Variants in SASH1 observed in about 807,000 individuals in gnomAD.
SASH1 encodes the protein SAM and SH3 domain-containing protein 1.
Under a neutral mutation model 125.2 loss-of-function variants are expected in SASH1, and 44 were observed. The observed-to-expected ratio is 0.35, with a 90% confidence interval of 0.28 to 0.45. The LOEUF is 0.45. Among genes scored for constraint, SASH1 ranks in the 20% least tolerant of loss-of-function variants. SASH1 has a pLI of 1.00. For synonymous variants in SASH1, 639 were observed against 649.1 expected, an observed-to-expected ratio of 0.98 and a Z score of 0.24; for missense variants, 1,426 against 1,614.5, an observed-to-expected ratio of 0.88 and a Z score of 2.00.
chr6:148,543,989 T>C lies in SASH1; in HGVS notation c.2519T>C (p.Leu840Pro). ...GACACTTGGCCCCGATCCCATTCCC[T>C]GGATGACCTTCAAGTGGAGCCTGGT... ...TVDTWPRSHS[L>P]DDLQVEPGAE... The change falls in exon 18 of 20, where the codon CTG (leucine) becomes CCG (proline). Residue 840 changes from leucine (L) to proline (P), a missense_variant. By Grantham distance (98) the Leu-to-Pro change is moderately conservative. Coordinates refer to ENST00000367467, the MANE Select transcript of SASH1 (RefSeq NM_015278.5). The C allele has an allele frequency of 6.2e-7, 1 of 1,614,078 alleles. No homozygotes were observed. Among genetic ancestry groups the C allele is most frequent in the Non-Finnish European group, 8.5e-7 (1 of 1,179,998 alleles).
upstream of SASH1, among the ~76,000 whole-genome samples, chr6:148,340,343 C>T (rs1343766842): frequency 1.3e-5 from 2 of 151,874 alleles, no homozygotes; most frequent in African/African-American, 4.8e-5. Flanking sequence ...ATTAGCCAGG[C>T]GTGGTGGTGC....
At chr6:148,401,743 G>A (rs1266105856) in intron 2 of SASH1, among the ~76,000 whole-genome samples, 2 of 152,050 alleles carry the variant, frequency 1.3e-5, no homozygotes, top group African/African-American at 2.4e-5. Flanking sequence ...AAACCAAATT[G>A]GAAGCACATC....
intron 1 of SASH1, among the ~76,000 whole-genome samples, chr6:148,295,812 A>C (rs986502735): frequency 3.3e-5 from 5 of 152,224 alleles, no homozygotes; most frequent in Non-Finnish European, 7.3e-5. Context: ...GTGTGTTGAC[A>C]GCAGCCAGCA....
At chr6:148,219,625 C>T in the SASH1 span, among the ~76,000 whole-genome samples, 1 of 152,194 alleles carries the variant, frequency 6.6e-6, no homozygotes, top group Admixed American at 6.5e-5. Flanking sequence ...GGGGACCCTC[C>T]TCTGGCCTTC....
At chr6:148,357,401 T>C (rs1227792134) in intron 1 of SASH1, among the ~76,000 whole-genome samples, 1 of 152,196 alleles carries the variant, frequency 6.6e-6, no homozygotes, top group Admixed American at 6.5e-5. Flanking sequence ...CTTATATATC[T>C]TTGCACACTG....
At chr6:148,326,414 C>CTTTTCTTTTCTTTTCTTTTCTTTTT (rs57839850) in intron 1 of SASH1, among the ~76,000 whole-genome samples, 8 of 84,050 alleles carry the variant, frequency 9.5e-5, no homozygotes, top group East Asian at 8.0e-4. Flanking sequence ...CTTTTCTTTT[C>CTTTTCTTTTCTTTTCTTTTCTTTTT]TTTTTTTTGA....
intron 1 of SASH1, among the ~76,000 whole-genome samples, chr6:148,386,765 T>C (rs1208451396): frequency 6.6e-6 from 1 of 152,170 alleles, no homozygotes. Flanking sequence ...CTCATAAAAA[T>C]GGGCTTTCAG....
chr6:148,285,455 C>A (rs1779457705), intron 1 of SASH1, among the ~76,000 whole-genome samples: 1 of 152,180 alleles, frequency 6.6e-6, no homozygotes, highest in Admixed American at 6.5e-5. Flanking sequence ...CTATTGGGGG[C>A]CCAGGGAACA....
the SASH1 span, among the ~76,000 whole-genome samples, chr6:148,215,383 A>G: frequency 6.6e-6 from 1 of 152,182 alleles, no homozygotes; most frequent in African/African-American, 2.4e-5. Context: ...TTTAAAATCT[A>G]TGTCCCACTG....
chr6:148,319,057 G>C (rs1649089574), intron 1 of SASH1, among the ~76,000 whole-genome samples: 1 of 97,460 alleles, frequency 1.0e-5, no homozygotes, highest in Non-Finnish European at 2.1e-5. Context: ...TTTTGAGACG[G>C]AGTCTGGCTC....
intron 2 of SASH1, among the ~76,000 whole-genome samples, chr6:148,411,478 C>T (rs1453795868): frequency 6.6e-6 from 1 of 152,092 alleles, no homozygotes; most frequent in Non-Finnish European, 1.5e-5. Context: ...TAAAAGAAAA[C>T]AGAAATGCCA....
intron 1 of SASH1, among the ~76,000 whole-genome samples, chr6:148,367,748 A>G (rs4392739): frequency 0.89 from 134,776 of 152,288 alleles, 59,815 homozygotes; most frequent in African/African-American, 0.96. Flanking sequence ...TGCTGCCCCC[A>G]TCCCCCTGGC....
chr6:148,530,469 T>C (rs932205749), intron 12 of SASH1, among the ~76,000 whole-genome samples: 1 of 152,176 alleles, frequency 6.6e-6, no homozygotes, highest in Non-Finnish European at 1.5e-5. Context: ...GTTTTCTTTG[T>C]TGTTTTTGAG....
chr6:148,307,244 G>A (rs1780169576), intron 1 of SASH1, among the ~76,000 whole-genome samples: 1 of 151,808 alleles, frequency 6.6e-6, no homozygotes, highest in Non-Finnish European at 1.5e-5. Flanking sequence ...TCAGCCTCCT[G>A]AGTAGCTGGG....
At chr6:148,372,970 A>G (rs1229163285) in intron 1 of SASH1, among the ~76,000 whole-genome samples, 1 of 151,976 alleles carries the variant, frequency 6.6e-6, no homozygotes, top group East Asian at 1.9e-4. Flanking sequence ...CGAGGTGGGC[A>G]GATCACCTGA....
chr6:148,293,816 G>T (rs1054726290), intron 1 of SASH1, among the ~76,000 whole-genome samples: 1 of 152,156 alleles, frequency 6.6e-6, no homozygotes, highest in Non-Finnish European at 1.5e-5. Context: ...CCTTACCTTA[G>T]AACAACTATG....
intron 1 of SASH1, among the ~76,000 whole-genome samples, chr6:148,307,037 T>A (rs1454791587): frequency 1.4e-5 from 1 of 71,490 alleles, no homozygotes; most frequent in Non-Finnish European, 2.8e-5. Flanking sequence ...TCTTTCTTTC[T>A]TTCTTTCTTT....
intron 7 of SASH1, among the ~76,000 whole-genome samples, chr6:148,481,233 AAG>A (rs1778602885): frequency 6.6e-6 from 1 of 152,104 alleles, no homozygotes; most frequent in Non-Finnish European, 1.5e-5. Flanking sequence ...TAGAACTGAA[AAG>A]AGTTAGGGCC....
chr6:148,384,476 AT>A (rs1305973923), intron 1 of SASH1, among the ~76,000 whole-genome samples: 1 of 152,184 alleles, frequency 6.6e-6, no homozygotes, highest in African/African-American at 2.4e-5. Flanking sequence ...TTACAAGTTT[AT>A]TTTGCAACAT....
Sources: allele counts gnomAD v4.1 joint callset (sites outside exome capture counted in the v4.1 genomes callset), GRCh38; gene constraint gnomAD v4.1.1; transcripts MANE v1.5; gene names NCBI Gene and HGNC (gene_info 2026-07-23, HGNC 2026-07-21).